The following BSCL2 variants were observed in gnomAD, a reference collection of about 807,000 sequenced individuals.
The protein encoded by BSCL2 is BSCL2 lipid droplet biogenesis associated, seipin.
Under a neutral mutation model 57.4 loss-of-function variants are expected in BSCL2, and 41 were observed. The observed-to-expected ratio is 0.71, with a 90% CI of 0.56 to 0.93. The LOEUF is 0.93. Ranked by LOEUF, BSCL2 falls within the 40% of genes least tolerant of loss-of-function variation. The pLI is 0.00. For synonymous variants in BSCL2, 237 were observed against 227.3 expected (o/e 1.04, Z -0.38); for missense variants, 539 against 586.7 (o/e 0.92, Z 0.84).
At position 62,702,469 on chromosome 11, in the gene BSCL2, C is replaced by T. The variant is rs768780378; in HGVS notation, c.485G>A (p.Arg162Gln). Reference sequence around the variant, plus strand: ...CCTCTCTCTAGTTCCCATACTCACCCGATCACGTCCACCCTTAGTCAGCGA... The same window carrying T: ...CCTCTCTCTAGTTCCCATACTCACCTGATCACGTCCACCCTTAGTCAGCGA... ...NVSLTKGGRD[R>Q]VLMYGQPYRV... Residue 162 changes from arginine to glutamine, a missense_variant and splice_region_variant, in exon 3 of 11, where the codon CGG (arginine) becomes CAG (glutamine). This residue lies in a region of BSCL2 where 218 missense variants were observed against 224.8 expected (regional missense o/e 0.97). Transcript: ENST00000360796. 6 of 1,611,322 alleles carry T rather than the reference C, an allele frequency of 3.7e-6. No homozygotes were observed. Among genetic ancestry groups the T allele is most frequent in the Admixed American group, 1.7e-5 (1 of 59,930 alleles).
At chr11:62,695,711 CAAAAAAAA>C (rs398016310) in intron 3 of BSCL2, among the ~76,000 whole-genome samples, 10 of 66,452 alleles carry the variant, frequency 1.5e-4, no homozygotes, top group East Asian at 8.5e-4. Flanking sequence ...AACTCTGTCT[CAAAAAAAA>C]AAAAAAAAAA....
upstream of BSCL2, chr11:62,708,853 C>A: frequency 1.4e-6 from 2 of 1,464,676 alleles, no homozygotes; most frequent in Non-Finnish European, 9.5e-7. Context: ...CTCTCCTGGG[C>A]CCTTCCTTAG....
At chr11:62,693,848 C>T (rs1374817012) in intron 4 of BSCL2, among the ~76,000 whole-genome samples, 1 of 151,626 alleles carries the variant, frequency 6.6e-6, no homozygotes, top group Non-Finnish European at 1.5e-5. Flanking sequence ...AAGTTTTGCT[C>T]TTGTTGCCCA....
At chr11:62,694,814 A>G in intron 3 of BSCL2, 103 bp from the exon 4 acceptor site, 2 of 1,369,730 alleles carry the variant, frequency 1.5e-6, no homozygotes. Context: ...CCAAATACTC[A>G]GCCACAACCC....
At chr11:62,708,484 C>T (rs529199599), upstream of BSCL2, 169 of 1,219,876 alleles carry the variant, frequency 1.4e-4, no homozygotes, top group African/African-American at 1.7e-3. Context: ...TGCGTTCTTT[C>T]CTTCACTCCC....
At position 62,706,487 on chromosome 11, in the gene BSCL2, T is replaced by A. The variant is rs555049906; in HGVS notation, c.87+622A>T. The A allele has an allele frequency of 6.6e-4, 265 of 401,462 alleles. 2 individuals carry two copies. Among genetic ancestry groups the A allele is most frequent in the South Asian group, 1.2e-3 (65 of 54,018 alleles). 24.9% of individuals were successfully genotyped at this position (401,462 alleles called of 1,614,324 possible). A position where few individuals can be genotyped will look rare whatever the true frequency, so the allele number is the denominator to read the frequency against. On this transcript the variant is annotated intron_variant, in intron 1 of 10. Transcript: ENST00000360796. Reference sequence around the variant, plus strand: ...TCTCTGCGGCAGGTTTCCCTCCGGTTACCGTGACCAAAGGGGAAAGACGCC... The same window carrying A: ...TCTCTGCGGCAGGTTTCCCTCCGGTAACCGTGACCAAAGGGGAAAGACGCC...
Position 62,691,867 on chromosome 11 carries a change from G to A in BSCL2, c.864-446C>T, listed in dbSNP as rs539837156. ...AGATTGAGACCATCCTGGCTAACACGGTGAAACCCCATCTCTACCAAAAAT... is the reference window on the plus strand; with the variant it reads ...AGATTGAGACCATCCTGGCTAACACAGTGAAACCCCATCTCTACCAAAAAT... On this transcript the variant is annotated intron_variant, in intron 6 of 10. Coordinates refer to ENST00000360796, the MANE Select transcript of BSCL2 (RefSeq NM_001122955.4). Among the ~76,000 whole-genome samples the A allele has an allele frequency of 6.6e-5, 10 of 152,126 alleles. No individual in the cohort carries two copies. In the South Asian group the frequency reaches 1.9e-3, roughly 28 times the overall value.
rs553090154 is a variant in BSCL2, at chr11:62,703,515, G to C, written c.405-966C>G. ...CAACAGGCGCCTGCCACCACGCCCGGCTAATTTTTTTATTTTTAGTAGAGA... is the reference window on the plus strand; with the variant it reads ...CAACAGGCGCCTGCCACCACGCCCGCCTAATTTTTTTATTTTTAGTAGAGA... On this transcript the variant is annotated intron_variant, in intron 2 of 10. Coordinates refer to ENST00000360796, the MANE Select transcript of BSCL2 (RefSeq NM_001122955.4). Among the ~76,000 whole-genome samples, 144 of 151,462 alleles carry C rather than the reference G, an allele frequency of 9.5e-4. 1 individual carries two copies. The South Asian group carries it at 0.026, about 27-fold the overall frequency.
chr11:62,694,930 C>T (rs1348583553), intron 3 of BSCL2, among the ~76,000 whole-genome samples: 1 of 152,124 alleles, frequency 6.6e-6, no homozygotes, highest in Non-Finnish European at 1.5e-5. Flanking sequence ...CCTGTTGGCT[C>T]TCCTGAATCA....
chr11:62,705,074 CCT>C (rs1945779978), intron 2 of BSCL2, among the ~76,000 whole-genome samples: 1 of 145,732 alleles, frequency 6.9e-6, no homozygotes, highest in Non-Finnish European at 1.5e-5. Context: ...GGATATTTTT[CCT>C]TTTTTTTTTT....
chr11:62,690,415 T>C lies in BSCL2; in HGVS notation c.1341A>G (p.Glu447=). The part of the protein sequence containing the change: ...APVLETLGSS[E]PAGGALRQRP... ...GCTGTCGGAGAGCACCCCCAGCAGG[T>C]TCAGAGCTGCCCAGAGTCTCTAGGA... is the stretch of plus-strand genomic sequence containing the variant. Residue 447 remains glutamate (E), a synonymous_variant, in exon 11 of 11, where the codon GAA becomes GAG. Transcript: ENST00000360796. 6.2e-7 allele frequency: 1 copy of C among 1,613,898 alleles called. No individual in the cohort carries two copies. Among genetic ancestry groups the C allele is most frequent in the Non-Finnish European group, 8.5e-7 (1 of 1,179,940 alleles).
chr11:62,691,190 C>T (rs774550729), intron 7 of BSCL2, 49 bp from the exon 8 acceptor site: 3 of 1,613,950 alleles, frequency 1.9e-6, no homozygotes, highest in Non-Finnish European at 2.5e-6. Flanking sequence ...CCCTCACTAA[C>T]AATCAGGACC....
chr11:62,702,765 A>G (rs1393277812), intron 2 of BSCL2, among the ~76,000 whole-genome samples: 1 of 152,142 alleles, frequency 6.6e-6, no homozygotes, highest in East Asian at 1.9e-4. Flanking sequence ...ATGTCCTCTC[A>G]TTACAACAGA....
At chr11:62,700,049 A>C (rs1223424130) in intron 3 of BSCL2, among the ~76,000 whole-genome samples, 1 of 145,334 alleles carries the variant, frequency 6.9e-6, no homozygotes, top group African/African-American at 2.5e-5. Flanking sequence ...AGACAAGCCT[A>C]GGCAACATAG....
chr11:62,696,098 G>A (rs938115134), intron 3 of BSCL2, among the ~76,000 whole-genome samples: 6 of 152,202 alleles, frequency 3.9e-5, no homozygotes, highest in African/African-American at 1.4e-4. Context: ...TTGAACCCGA[G>A]AGGCGGAGGT....
chr11:62,703,015 TG>T (rs1945691550), intron 2 of BSCL2, among the ~76,000 whole-genome samples: 1 of 151,996 alleles, frequency 6.6e-6, no homozygotes, highest in African/African-American at 2.4e-5. Flanking sequence ...CGGGGCGTGG[TG>T]GCGCATGCCT....
chr11:62,705,194 T>G (rs1203041420), intron 2 of BSCL2, 107 bp downstream of exon 2: 2 of 1,263,426 alleles, frequency 1.6e-6, no homozygotes, highest in East Asian at 5.1e-5. Context: ...GAAGCACACC[T>G]GGCTCCAGTT....
chr11:62,700,010 C>T (rs536858944), intron 3 of BSCL2, among the ~76,000 whole-genome samples: 1 of 146,190 alleles, frequency 6.8e-6, no homozygotes, highest in African/African-American at 2.5e-5. Context: ...GAGGCTGAGT[C>T]GGGAGGACCA....
In BSCL2 at chr11:62,690,447, C is replaced by T. The variant is rs199787351; in HGVS notation, c.1309G>A (p.Ala437Thr). The stretch of plus-strand genomic sequence containing the variant: ...CTGCCCAGAGTCTCTAGGACAGGGG[C>T]AGAAGCAGAAGCAGGAGCAGGAGCA... ...LPAPAPASAS[A>T]PVLETLGSSE... The change falls in exon 11 of 11, where the codon GCC becomes ACC. Residue 437 changes from alanine to threonine, a missense_variant. Ala to Thr is a moderately conservative substitution (Grantham distance 58). Transcript: ENST00000360796. The T allele has an allele frequency of 1.9e-6, 3 of 1,613,778 alleles. No homozygotes were observed. In the African/African-American group the frequency reaches 4.0e-5, roughly 22 times the overall value.
Sources: allele counts gnomAD v4.1 joint callset (sites outside exome capture counted in the v4.1 genomes callset), GRCh38; gene constraint gnomAD v4.1.1; regional missense constraint gnomAD v4.1.1; transcripts MANE v1.5; gene names NCBI Gene and HGNC (gene_info 2026-07-23, HGNC 2026-07-21).